APBA1: variants seen among roughly 807,000 people sequenced by gnomAD.
APBA1 encodes amyloid beta precursor protein binding family A member 1.
APBA1 carries 55 observed loss-of-function variants against 86.6 expected under a neutral mutation model. The ratio of observed to expected loss-of-function variants is 0.64; its 90% CI spans 0.51 to 0.80. The LOEUF is 0.80. Ranked by LOEUF, APBA1 falls within the 30% of genes least tolerant of loss-of-function variation. The pLI, the probability that APBA1 is intolerant of heterozygous loss-of-function variation, is 0.00. For missense variants in APBA1, 1,090 were observed against 1,183.0 expected (o/e 0.92, Z 1.15); for synonymous variants, 511 against 493.9 (o/e 1.03, Z -0.46).
At chr9:69,436,906 G>A in intron 11 of APBA1, among the ~76,000 whole-genome samples, 1 of 151,944 alleles carries the variant, frequency 6.6e-6, no homozygotes, top group Non-Finnish European at 1.5e-5. Flanking sequence ...GATATTGGCT[G>A]TGGGTTTGTC....
intron 1 of APBA1, among the ~76,000 whole-genome samples, chr9:69,626,190 G>C (rs1431191492): frequency 6.6e-6 from 1 of 152,182 alleles, no homozygotes; most frequent in Non-Finnish European, 1.5e-5. Flanking sequence ...ATTGGTGATA[G>C]ATGTGGCTAT....
At chr9:69,601,828 C>G (rs1822354800) in intron 1 of APBA1, among the ~76,000 whole-genome samples, 1 of 152,180 alleles carries the variant, frequency 6.6e-6, no homozygotes, top group Non-Finnish European at 1.5e-5. Context: ...AGAAACAAAA[C>G]TACTTTCCCG....
At chr9:69,491,631 A>G (rs569743181) in intron 2 of APBA1, among the ~76,000 whole-genome samples, 6 of 151,408 alleles carry the variant, frequency 4.0e-5, no homozygotes, top group Admixed American at 3.9e-4. Flanking sequence ...AAATCAATCA[A>G]CTCCTAAGAC....
intron 1 of APBA1, among the ~76,000 whole-genome samples, chr9:69,639,385 T>C (rs1189211192): frequency 1.3e-5 from 2 of 152,146 alleles, no homozygotes; most frequent in African/African-American, 4.8e-5. Flanking sequence ...AAATACCATT[T>C]CTCACTTAAA....
chr9:69,500,718 C>T (rs1214069783), intron 2 of APBA1, among the ~76,000 whole-genome samples: 1 of 151,994 alleles, frequency 6.6e-6, no homozygotes, highest in Non-Finnish European at 1.5e-5. Context: ...TATTAACACC[C>T]GTGCCAAGAC....
chr9:69,668,345 T>G lies in APBA1; in HGVS notation c.-70+3808A>C, dbSNP rs74328592. On this transcript the variant is annotated intron_variant, in intron 1 of 12. Coordinates refer to ENST00000265381, the MANE Select transcript of APBA1 (RefSeq NM_001163.4). Reference sequence around the variant, plus strand: ...CTCTCTCAGCTAAGCCTGACAATGATCTTTTGGCCTCCCTTTTCCCTTCCT... The same window carrying G: ...CTCTCTCAGCTAAGCCTGACAATGAGCTTTTGGCCTCCCTTTTCCCTTCCT... 4.7e-4 allele frequency among the ~76,000 whole-genome samples: 72 copies of G among 152,276 alleles called. No individual in the cohort carries two copies. In the East Asian group the frequency reaches 0.013, roughly 28 times the overall value.
chr9:69,591,390 C>A (rs907995885), intron 1 of APBA1, among the ~76,000 whole-genome samples: 1 of 152,176 alleles, frequency 6.6e-6, no homozygotes, highest in African/African-American at 2.4e-5. Context: ...TATAAGATAT[C>A]CAGTCTCTTC....
chr9:69,630,521 G>T (rs1588401851), intron 1 of APBA1, among the ~76,000 whole-genome samples: 2 of 152,216 alleles, frequency 1.3e-5, no homozygotes, highest in Non-Finnish European at 2.9e-5. Flanking sequence ...GTCCAGATGT[G>T]CTGCCTCTAC....
In APBA1 at chr9:69,547,730, GC is replaced by G. The variant is rs552963288; in HGVS notation, c.-69-30452del. On this transcript the variant is annotated intron_variant, in intron 1 of 12. Coordinates refer to ENST00000265381, the MANE Select transcript of APBA1 (RefSeq NM_001163.4). ...ACCCTAAAAGAACCAAAGCCCCACT[GC>G]CTTGGCCAGTGCCATGACTTCAAGG... Among the ~76,000 whole-genome samples, 4 of 152,344 alleles carry G rather than the reference GC, an allele frequency of 2.6e-5. No individual in the cohort carries two copies. In the East Asian group the frequency reaches 7.7e-4, roughly 29 times the overall value.
At chr9:69,490,879 G>A (rs1034632921) in intron 2 of APBA1, among the ~76,000 whole-genome samples, 1 of 152,122 alleles carries the variant, frequency 6.6e-6, no homozygotes, top group Non-Finnish European at 1.5e-5. Context: ...GGCCATCAGA[G>A]AAATGCAACT....
chr9:69,452,454 C>CAGTGCCCA (rs1835027379), intron 8 of APBA1, among the ~76,000 whole-genome samples, 153 bp from the exon 9 acceptor site: 1 of 152,224 alleles, frequency 6.6e-6, no homozygotes. Context: ...GTGGGGCTAC[C>CAGTGCCCA]AGTGCCCACC....
intron 10 of APBA1, among the ~76,000 whole-genome samples, chr9:69,445,385 G>A (rs960604448): frequency 6.6e-6 from 1 of 152,172 alleles, no homozygotes; most frequent in African/African-American, 2.4e-5. Context: ...GGATTTCTGA[G>A]CTGCCATTTT....
At chr9:69,672,585 C>T (rs554037504), upstream of APBA1, among the ~76,000 whole-genome samples, 1 of 149,724 alleles carries the variant, frequency 6.7e-6, no homozygotes, top group East Asian at 2.0e-4. Context: ...CGCTGATGTC[C>T]TCCGTGGGCC....
chr9:69,554,891 A>C (rs757487597), intron 1 of APBA1, among the ~76,000 whole-genome samples: 1 of 152,232 alleles, frequency 6.6e-6, no homozygotes, highest in Non-Finnish European at 1.5e-5. Flanking sequence ...GAACACCTGC[A>C]GAAAGATCAG....
chr9:69,532,805 A>G (rs1836453650), intron 1 of APBA1, among the ~76,000 whole-genome samples: 1 of 152,202 alleles, frequency 6.6e-6, no homozygotes, highest in Non-Finnish European at 1.5e-5. Flanking sequence ...GCAGCCCTTG[A>G]TTTGCAATCA....
At chr9:69,472,418 C>G (rs1835380994) in intron 3 of APBA1, 1 of 152,220 alleles carries the variant, frequency 6.6e-6, no homozygotes, top group African/African-American at 2.4e-5. Context: ...CCATACGTTC[C>G]TTTCAGAAGC....
intron 2 of APBA1, among the ~76,000 whole-genome samples, chr9:69,503,553 CTT>C (rs1835909655): frequency 6.6e-6 from 1 of 152,094 alleles, no homozygotes; most frequent in Non-Finnish European, 1.5e-5. Flanking sequence ...AGACTATACT[CTT>C]CCCTGCTGAG....
chr9:69,428,566 A>G lies in APBA1; in HGVS notation c.*2761T>C, dbSNP rs1205419566. ...ACCAGCACACCCTGGTGGAGCAGCC[A>G]CAGCAGCTCTGTGCCCTCACAGCGT... On this transcript the variant is annotated 3_prime_UTR_variant, in exon 13 of 13. Coordinates refer to ENST00000265381, the MANE Select transcript of APBA1 (RefSeq NM_001163.4). The G allele has an allele frequency of 6.6e-6, 1 of 152,288 alleles. No individual in the cohort carries two copies. Among genetic ancestry groups the G allele is most frequent in the Non-Finnish European group, 1.5e-5 (1 of 68,082 alleles). 9.4% of individuals were successfully genotyped at this position (152,288 alleles called of 1,614,324 possible).
At chr9:69,644,019 C>T (rs1332835433) in intron 1 of APBA1, among the ~76,000 whole-genome samples, 1 of 152,208 alleles carries the variant, frequency 6.6e-6, no homozygotes. Context: ...TTCATCAGGC[C>T]TTGGTTCAAA....
Sources: allele counts gnomAD v4.1 joint callset (sites outside exome capture counted in the v4.1 genomes callset), GRCh38; gene constraint gnomAD v4.1.1; transcripts MANE v1.5; gene names NCBI Gene and HGNC (gene_info 2026-07-23, HGNC 2026-07-21).